TNPO1: variants seen among roughly 807,000 people sequenced by gnomAD.
The protein encoded by TNPO1 is transportin 1.
A neutral mutation model predicts 119.5 loss-of-function variants in TNPO1; 8 were observed. The observed-to-expected ratio is 0.07, with a 90% CI of 0.04 to 0.12. The LOEUF (loss-of-function observed/expected upper bound fraction) is 0.12. Ranked by LOEUF, TNPO1 falls within the 10% of genes least tolerant of loss-of-function variation. TNPO1 has a pLI of 1.00. For synonymous variants in TNPO1, 362 were observed against 363.0 expected (o/e 1.00, Z 0.03); for missense variants, 576 against 1,089.8 (o/e 0.53, Z 6.64).
intron 1 of TNPO1, among the ~76,000 whole-genome samples, chr5:72,837,396 G>A (rs1744730508): frequency 1.3e-5 from 2 of 152,266 alleles, no homozygotes; most frequent in African/African-American, 2.4e-5. Context: ...GGGCCAAATA[G>A]ATGCCCTCAA....
intron 20 of TNPO1, 51 bp from the exon 21 acceptor site, chr5:72,899,955 C>T (rs762709025): frequency 6.8e-7 from 1 of 1,466,262 alleles, no homozygotes; most frequent in African/African-American, 1.4e-5. Context: ...CTCATTTGCT[C>T]ATGTCTTGGT....
intron 2 of TNPO1, among the ~76,000 whole-genome samples, chr5:72,850,708 C>T (rs1745479944): frequency 2.0e-5 from 3 of 152,164 alleles, no homozygotes; most frequent in Admixed American, 2.0e-4. Flanking sequence ...GTGCAATAAT[C>T]TCATAATGCT....
chr5:72,848,350 G>GCT, intron 1 of TNPO1, 35 bp from the exon 2 acceptor site: 1 of 1,595,196 alleles, frequency 6.3e-7, no homozygotes. Flanking sequence ...AGTAACAGTT[G>GCT]CTCCGTCTCT....
intron 1 of TNPO1, among the ~76,000 whole-genome samples, chr5:72,821,635 CTT>C (rs778104015): frequency 2.0e-5 from 3 of 152,118 alleles, no homozygotes; most frequent in Non-Finnish European, 2.9e-5. Context: ...GGGATTATCT[CTT>C]GTCGAGAGAT....
chr5:72,869,121 C>G (rs1747177320), intron 6 of TNPO1, among the ~76,000 whole-genome samples: 1 of 152,100 alleles, frequency 6.6e-6, no homozygotes, highest in Non-Finnish European at 1.5e-5. Flanking sequence ...TTATTGTGTT[C>G]TGGCTTATCT....
At chr5:72,886,242 T>C (rs1003427736) in intron 11 of TNPO1, among the ~76,000 whole-genome samples, 13 of 152,254 alleles carry the variant, frequency 8.5e-5, no homozygotes, top group Non-Finnish European at 1.5e-5. Flanking sequence ...CCATAGTTAA[T>C]TCTTTGTAAA....
intron 3 of TNPO1, among the ~76,000 whole-genome samples, chr5:72,855,322 G>A (rs182309071): frequency 8.6e-5 from 13 of 151,930 alleles, no homozygotes; most frequent in African/African-American, 3.1e-4. Context: ...TTTAAGACTA[G>A]TACTTCCAGC....
At chr5:72,882,168 G>A (rs755089874) in intron 9 of TNPO1, among the ~76,000 whole-genome samples, 5 of 152,094 alleles carry the variant, frequency 3.3e-5, no homozygotes, top group Non-Finnish European at 5.9e-5. Flanking sequence ...AATTATGCTA[G>A]CTCTAATGTT....
intron 1 of TNPO1, among the ~76,000 whole-genome samples, chr5:72,842,100 A>T (rs1022748721): frequency 1.3e-5 from 2 of 152,192 alleles, no homozygotes; most frequent in Non-Finnish European, 2.9e-5. Flanking sequence ...CCTCATTTTT[A>T]TTATATTGTC....
intron 11 of TNPO1, 39 bp from the exon 12 acceptor site, chr5:72,887,028 TAAG>T (rs781369213): frequency 1.7e-5 from 26 of 1,545,166 alleles, no homozygotes; most frequent in South Asian, 1.1e-4. Context: ...ATATAAGTAA[TAAG>T]AGGTTAATGT....
At position 72,911,793 on chromosome 5, in the gene TNPO1, T is replaced by G. The variant is rs568863733; in HGVS notation, c.*3120T>G. 3.9e-5 allele frequency: 6 copies of G among 152,554 alleles called. No homozygotes were observed. The highest frequency in any genetic ancestry group is 2.9e-5 in the Non-Finnish European group (2 of 67,962). The allele number at this position is 152,554 out of a possible 1,614,324, so 9.5% of individuals were successfully genotyped here. A position where few individuals can be genotyped will look rare whatever the true frequency, so the allele number is the denominator to read the frequency against. On this transcript the variant is annotated 3_prime_UTR_variant, in exon 25 of 25. Transcript: ENST00000337273. The stretch of plus-strand genomic sequence containing the variant: ...GATGTAGATTTTCTACTTGAATATT[T>G]TTATGTTGTAGGAACCTCAGGAGGT...
chr5:72,895,198 A>G (rs1438177110), intron 18 of TNPO1, among the ~76,000 whole-genome samples: 1 of 152,166 alleles, frequency 6.6e-6, no homozygotes, highest in East Asian at 1.9e-4. Context: ...TACTGATTGC[A>G]TCTTTGTTGT....
intron 6 of TNPO1, among the ~76,000 whole-genome samples, chr5:72,870,158 C>T (rs376504439): frequency 1.1e-4 from 12 of 106,166 alleles, no homozygotes; most frequent in South Asian, 3.3e-4. Flanking sequence ...ATACTAATTG[C>T]TTTTTTTTTT....
At position 72,907,816 on chromosome 5, in the gene TNPO1, G is replaced by A. The variant is rs188623052; in HGVS notation, c.*36-893G>A. On this transcript the variant is annotated intron_variant, in intron 24 of 24. Coordinates refer to ENST00000337273, the MANE Select transcript of TNPO1 (RefSeq NM_002270.4). ...CCTAGCATTTTGGGAGGCTGAGGTG[G>A]GAGCATTGCTTGAGCCCAGGAGTTT... Among the ~76,000 whole-genome samples the A allele has an allele frequency of 1.0e-3, 153 of 152,206 alleles. 1 individual carries two copies. The highest frequency in any genetic ancestry group is 3.0e-3 in the African/African-American group (126 of 41,530).
intron 24 of TNPO1, among the ~76,000 whole-genome samples, chr5:72,907,912 G>A (rs1379377843): frequency 1.3e-5 from 2 of 151,952 alleles, no homozygotes; most frequent in African/African-American, 4.8e-5. Flanking sequence ...AAATGAGCTG[G>A]GCATGGTGGT....
intron 1 of TNPO1, among the ~76,000 whole-genome samples, chr5:72,847,328 TTTTG>T (rs1450247699): frequency 2.6e-5 from 4 of 152,352 alleles, no homozygotes; most frequent in African/African-American, 9.6e-5. Flanking sequence ...ATTTTGTTGT[TTTTG>T]TTTAAGCATT....
rs1308241146 is a variant in TNPO1, at chr5:72,908,883, A to G, written c.*210A>G. The G allele has an allele frequency of 2.2e-6, 1 of 454,140 alleles. No homozygotes were observed. 28.1% of individuals were successfully genotyped at this position (454,140 alleles called of 1,614,324 possible). A position where few individuals can be genotyped will look rare whatever the true frequency, so the allele number is the denominator to read the frequency against. ...AGTCGATGTTGGGAAACGTTTTAAC[A>G]TCTGGAGCCTTTGTGGGTGGAAATA... On this transcript the variant is annotated 3_prime_UTR_variant, in exon 25 of 25. Transcript: ENST00000337273.
chr5:72,826,556 C>T (rs1744212747), intron 1 of TNPO1, among the ~76,000 whole-genome samples: 1 of 152,130 alleles, frequency 6.6e-6, no homozygotes, highest in Non-Finnish European at 1.5e-5. Flanking sequence ...GATACAGATA[C>T]AGAGCCTAGA....
chr5:72,883,138 G>T lies in TNPO1; in HGVS notation c.1056G>T (p.Thr352=). 6.2e-7 allele frequency: 1 copy of T among 1,614,026 alleles called. No homozygotes were observed. The highest frequency in any genetic ancestry group is 8.5e-7 in the Non-Finnish European group (1 of 1,179,976). Residue 352 remains threonine, a synonymous_variant, in exon 11 of 25, where the codon ACG becomes ACT. Transcript: ENST00000337273. ...DIRPRFHRSR[T]VAQQHDEDGI... is the part of the protein sequence containing the mutation. Reference sequence around the variant, plus strand: ...GGCCACGTTTTCACCGATCGAGGACGGTGGCTCAGCAGCATGATGAAGATG... The same window carrying T: ...GGCCACGTTTTCACCGATCGAGGACTGTGGCTCAGCAGCATGATGAAGATG...
Sources: allele counts gnomAD v4.1 joint callset (sites outside exome capture counted in the v4.1 genomes callset), GRCh38; gene constraint gnomAD v4.1.1; transcripts MANE v1.5; gene names NCBI Gene and HGNC (gene_info 2026-07-23, HGNC 2026-07-21).